The following JARID2 variants were observed in gnomAD, a reference collection of about 807,000 sequenced individuals.
JARID2 encodes protein Jumonji.
In JARID2, 21 loss-of-function variants were observed where a neutral mutation model predicts 125.6. The observed-to-expected ratio is 0.17, with a 90% CI of 0.12 to 0.24. The LOEUF (loss-of-function observed/expected upper bound fraction) is 0.24, where lower values mean the gene tolerates loss of function less well. JARID2 is among the 10% of genes least tolerant of loss of function. The probability of loss-of-function intolerance (pLI) is 1.00; values close to 1 mark genes in which losing one functional copy is unlikely to be tolerated. For missense variants in JARID2, 1,303 were observed against 1,639.6 expected, an observed-to-expected ratio of 0.79 and a Z score of 3.55; for synonymous variants, 736 against 661.6, an observed-to-expected ratio of 1.11 and a Z score of -1.73.
At chr6:15,280,629 CTTTT>C (rs11427786) in intron 1 of JARID2, among the ~76,000 whole-genome samples, 4 of 136,732 alleles carry the variant, frequency 2.9e-5, no homozygotes, top group Non-Finnish European at 3.2e-5. Flanking sequence ...CCACACCCTG[CTTTT>C]TTTTTTTTTT....
chr6:15,368,102 A>G (rs535009836), intron 1 of JARID2, among the ~76,000 whole-genome samples: 26 of 152,236 alleles, frequency 1.7e-4, no homozygotes, highest in African/African-American at 6.0e-4. Context: ...ATATCAAAAC[A>G]ATCTGGTTTT....
chr6:15,410,432 C>T (rs1765828627), intron 3 of JARID2, 67 bp downstream of exon 3: 13 of 1,508,800 alleles, frequency 8.6e-6, no homozygotes, highest in South Asian at 7.0e-5. Flanking sequence ...TGCCAGTTTT[C>T]ACCACATGAT....
At position 15,487,676 on chromosome 6, in the gene JARID2, A is replaced by G. The variant is rs528118218; in HGVS notation, c.906+134A>G. On this transcript the variant is annotated intron_variant, in intron 6 of 17. Transcript: ENST00000341776. ...CCAGAAGCAAGACAGGGACAGACAG[A>G]GCGCACCTTTGCATGAGCTGCAGGC... 66 of 789,848 alleles carry G rather than the reference A, an allele frequency of 8.4e-5. 1 individual carries two copies. The Middle Eastern group carries it at 1.4e-3, about 17-fold the overall frequency. 48.9% of individuals were successfully genotyped at this position (789,848 alleles called of 1,614,324 possible). A position where few individuals can be genotyped will look rare whatever the true frequency, so the allele number is the denominator to read the frequency against.
At chr6:15,301,254 A>AT (rs1554121254) in intron 1 of JARID2, among the ~76,000 whole-genome samples, 3 of 151,998 alleles carry the variant, frequency 2.0e-5, no homozygotes, top group Non-Finnish European at 2.9e-5. Context: ...TTACTATAAA[A>AT]TTTTTTTCTT....
Position 15,444,743 on chromosome 6 carries a change from T to TG in JARID2, c.324-7263_324-7262insG, listed in dbSNP as rs201170945. Among the ~76,000 whole-genome samples the TG allele has an allele frequency of 5.2e-4, 78 of 150,288 alleles. No homozygotes were observed. The East Asian group carries it at 0.015, about 28-fold the overall frequency. On this transcript the variant is annotated intron_variant, in intron 3 of 17. Transcript: ENST00000341776. The stretch of plus-strand genomic sequence containing the variant: ...CAGACACGAACTGTCTGATTTTTTT[T>TG]TTTTTTTTTTTTTTGAATGAACAGA...
chr6:15,262,838 A>G (rs1184234632), intron 1 of JARID2, among the ~76,000 whole-genome samples: 1 of 152,080 alleles, frequency 6.6e-6, no homozygotes. Flanking sequence ...CCGTTTGGCT[A>G]TTTTGAACAA....
rs73724406 is a variant in JARID2, at chr6:15,442,629, C to T, written c.324-9377C>T. ...ACGGGGTTATGCCGTGTGGGGATGG[C>T]GGCGCAGACAGCCTTCCATAGGTGG... On this transcript the variant is annotated intron_variant, in intron 3 of 17. Transcript: ENST00000341776. 7.0e-3 allele frequency among the ~76,000 whole-genome samples: 1,061 copies of T among 152,254 alleles called. 13 individuals are homozygous for T. The highest frequency in any genetic ancestry group is 0.024 in the African/African-American group (1,011 of 41,526).
chr6:15,253,438 TTGG>T (rs1202960817), intron 1 of JARID2, among the ~76,000 whole-genome samples: 5 of 151,912 alleles, frequency 3.3e-5, no homozygotes, highest in African/African-American at 1.2e-4. Flanking sequence ...CATTTTGCTC[TTGG>T]TGGAAGACTC....
At chr6:15,518,288 C>T (rs912144225) in intron 17 of JARID2, among the ~76,000 whole-genome samples, 1 of 152,190 alleles carries the variant, frequency 6.6e-6, no homozygotes, top group African/African-American at 2.4e-5. Context: ...TGGGTTGTAC[C>T]TCTCACCAGC....
chr6:15,327,304 T>G (rs534775117), intron 1 of JARID2, among the ~76,000 whole-genome samples: 5 of 152,284 alleles, frequency 3.3e-5, no homozygotes, highest in African/African-American at 9.6e-5. Flanking sequence ...AGTGCAGTGG[T>G]GCTATCATAG....
rs920790187 is a variant in JARID2 at position 15,246,128 on chromosome 6, T to A, written c.-412T>A. ...CACAAACGTGACTTCCAACATTTTT[T>A]ATTTATCTTTCCCTTTTCTTTTCCA... On this transcript the variant is annotated 5_prime_UTR_variant, in exon 1 of 18. Coordinates refer to ENST00000341776, the MANE Select transcript of JARID2 (RefSeq NM_004973.4). 1.3e-5 allele frequency among the ~76,000 whole-genome samples: 2 copies of A among 152,166 alleles called. No homozygotes were observed. The highest frequency in any genetic ancestry group is 4.8e-5 in the African/African-American group (2 of 41,430).
intron 17 of JARID2, 137 bp from the exon 18 acceptor site, chr6:15,519,932 T>G: frequency 1.3e-5 from 7 of 553,776 alleles, no homozygotes; most frequent in Non-Finnish European, 6.2e-6. Flanking sequence ...CCTCTCGGGG[T>G]TATTTTAAAA....
At chr6:15,426,485 T>C (rs1007348678) in intron 3 of JARID2, among the ~76,000 whole-genome samples, 1 of 152,098 alleles carries the variant, frequency 6.6e-6, no homozygotes, top group African/African-American at 2.4e-5. Context: ...AGAACCCAGG[T>C]AGTTTGTAGA....
At chr6:15,486,671 T>C (rs547973738) in intron 5 of JARID2, among the ~76,000 whole-genome samples, 3 of 152,360 alleles carry the variant, frequency 2.0e-5, no homozygotes, top group African/African-American at 7.2e-5. Context: ...AAAATGGGTC[T>C]GGCTCAAAGT....
chr6:15,517,741 C>T (rs909643818), intron 17 of JARID2, among the ~76,000 whole-genome samples: 2 of 152,336 alleles, frequency 1.3e-5, no homozygotes, highest in Middle Eastern at 3.4e-3. Flanking sequence ...GCAGGTGCCA[C>T]GCTCTTCTGG....
intron 2 of JARID2, among the ~76,000 whole-genome samples, chr6:15,386,870 T>G (rs1764807891): frequency 6.6e-6 from 1 of 152,318 alleles, no homozygotes; most frequent in Non-Finnish European, 1.5e-5. Context: ...GATGATGACA[T>G]TCTCAGAGTC....
intron 1 of JARID2, among the ~76,000 whole-genome samples, chr6:15,268,962 T>A (rs2069266546): frequency 6.6e-6 from 1 of 152,210 alleles, no homozygotes; most frequent in Non-Finnish European, 1.5e-5. Flanking sequence ...CGTGTGCGTG[T>A]GCCCATGGCA....
chr6:15,458,142 C>G (rs1768273900), intron 4 of JARID2, among the ~76,000 whole-genome samples: 1 of 152,202 alleles, frequency 6.6e-6, no homozygotes, highest in Admixed American at 6.5e-5. Flanking sequence ...TCGCCGTATT[C>G]CCTGTCACCA....
At chr6:15,279,614 C>G (rs911458478) in intron 1 of JARID2, among the ~76,000 whole-genome samples, 3 of 152,198 alleles carry the variant, frequency 2.0e-5, no homozygotes, top group Admixed American at 2.0e-4. Context: ...ACTGTCACTT[C>G]CCTTAGCTTT....
Sources: allele counts gnomAD v4.1 joint callset (sites outside exome capture counted in the v4.1 genomes callset), GRCh38; gene constraint gnomAD v4.1.1; transcripts MANE v1.5; gene names NCBI Gene and HGNC (gene_info 2026-07-23, HGNC 2026-07-21).